The following DMBX1 variants were observed in gnomAD, a reference collection of about 807,000 sequenced individuals.
DMBX1 encodes the protein diencephalon/mesencephalon homeobox 1.
A neutral mutation model predicts 30.4 loss-of-function variants in DMBX1; 7 were observed. The ratio of observed to expected loss-of-function variants is 0.23; its 90% confidence interval spans 0.13 to 0.43. DMBX1 has a LOEUF of 0.43. Ranked by LOEUF, DMBX1 falls within the 20% of genes least tolerant of loss-of-function variation. DMBX1 has a pLI of 1.00. For missense variants in DMBX1, 460 were observed against 508.5 expected (o/e 0.90, Z 0.92); for synonymous variants, 222 against 214.2 (o/e 1.04, Z -0.32).
At chr1:46,490,323 C>A (rs1368277159) in intron 1 of DMBX1, among the ~76,000 whole-genome samples, 1 of 151,890 alleles carries the variant, frequency 6.6e-6, no homozygotes, top group Non-Finnish European at 1.5e-5. Context: ...GGATCCGTCA[C>A]GGTTTTGCCT....
At chr1:46,511,857 G>C (rs1213484678) in intron 5 of DMBX1, among the ~76,000 whole-genome samples, 186 bp from the exon 6 acceptor site, 1 of 152,152 alleles carries the variant, frequency 6.6e-6, no homozygotes, top group Non-Finnish European at 1.5e-5. Context: ...AAGAAGCCTG[G>C]GTCCCTTTCT....
intron 2 of DMBX1, among the ~76,000 whole-genome samples, chr1:46,499,281 C>T (rs1666079633): frequency 6.6e-6 from 1 of 152,184 alleles, no homozygotes; most frequent in Non-Finnish European, 1.5e-5. Context: ...AGGTGATCTG[C>T]CCACTTTGGC....
chr1:46,516,043 TTC>T lies in DMBX1; in HGVS notation c.*3551_*3552del, dbSNP rs1347484248. On this transcript the variant is annotated 3_prime_UTR_variant, in exon 6 of 6. Coordinates refer to ENST00000360032, the MANE Select transcript of DMBX1 (RefSeq NM_172225.2). ...AGACACTGTGTACTGTATTTATTTA[TTC>T]TGTTAGTGGAAAAAAACAAGACTTA... is the stretch of plus-strand genomic sequence containing the variant. Among the ~76,000 whole-genome samples the T allele has an allele frequency of 6.6e-6, 1 of 152,232 alleles. No individual in the cohort carries two copies. Among genetic ancestry groups the T allele is most frequent in the Non-Finnish European group, 1.5e-5 (1 of 68,038 alleles).
In DMBX1 at chr1:46,510,982, C is replaced by T. The variant is rs1557790384; in HGVS notation, c.381C>T (p.Ser127=). Residue 127 remains serine, a synonymous_variant, in exon 5 of 6, where the codon AGC becomes AGT. Coordinates refer to ENST00000360032, the MANE Select transcript of DMBX1 (RefSeq NM_172225.2). The surrounding 1 kb of genome is among the most constrained non-coding windows in gnomAD (Gnocchi z 4.1). ...CCAAGTTCCGGAAGAAGCAGCGTAG[C>T]CTGCAGAAGGAACAGCTCCAGAAGC... is the stretch of plus-strand genomic sequence containing the variant. ...RRAKFRKKQR[S]LQKEQLQKQK... is the part of the protein sequence containing the mutation. 5.0e-6 allele frequency: 8 copies of T among 1,613,112 alleles called. No individual in the cohort carries two copies. The highest frequency in any genetic ancestry group is 6.8e-6 in the Non-Finnish European group (8 of 1,179,548).
chr1:46,508,734 G>A (rs1303561562), intron 3 of DMBX1, among the ~76,000 whole-genome samples: 1 of 152,204 alleles, frequency 6.6e-6, no homozygotes, highest in Non-Finnish European at 1.5e-5. Flanking sequence ...GTGAGCCTTT[G>A]TATGGAGGCC....
chr1:46,510,978 G>T lies in DMBX1; in HGVS notation c.377G>T (p.Arg126Leu), dbSNP rs114953520. The T allele has an allele frequency of 2.4e-5, 38 of 1,613,062 alleles. No individual in the cohort carries two copies. The highest frequency in any genetic ancestry group is 3.2e-5 in the Non-Finnish European group (38 of 1,179,476). ...CGGGCCAAGTTCCGGAAGAAGCAGC[G>T]TAGCCTGCAGAAGGAACAGCTCCAG... ...NRRAKFRKKQ[R>L]SLQKEQLQKQ... The change falls in exon 5 of 6, where the codon CGT becomes CTT. Residue 126 changes from arginine (R) to leucine (L), a missense_variant. Transcript: ENST00000360032. This position sits in a 1 kb window ranked among gnomAD's most constrained non-coding sequence, Gnocchi z 4.1.
At chr1:46,497,795 G>A (rs917985437) in intron 2 of DMBX1, among the ~76,000 whole-genome samples, 3 of 152,240 alleles carry the variant, frequency 2.0e-5, no homozygotes, top group Non-Finnish European at 2.9e-5. Flanking sequence ...TCTATATGGC[G>A]CCTGTGGCGG....
In DMBX1 at chr1:46,512,635, A is replaced by C; in HGVS notation, c.*141A>C. On this transcript the variant is annotated 3_prime_UTR_variant, in exon 6 of 6. Transcript: ENST00000360032. This position sits in a 1 kb window ranked among gnomAD's most constrained non-coding sequence, Gnocchi z 4.8. The stretch of plus-strand genomic sequence containing the variant: ...GTCCTGTTCCCTGCTCCGCTTCCCC[A>C]TACCCCAGCCCGAGGTGAAGCCCAC... The C allele has an allele frequency of 1.1e-6, 1 of 935,322 alleles. No individual in the cohort carries two copies. Among genetic ancestry groups the C allele is most frequent in the Non-Finnish European group, 1.6e-6 (1 of 642,580 alleles). The allele number at this position is 935,322 out of a possible 1,614,324, so 57.9% of individuals were successfully genotyped here.
At position 46,507,054 on chromosome 1, in the gene DMBX1, A is replaced by G. The variant is rs1666250046; in HGVS notation, c.44A>G (p.Asn15Ser). The G allele has an allele frequency of 2.5e-6, 4 of 1,613,994 alleles. No homozygotes were observed. The highest frequency in any genetic ancestry group is 1.1e-5 in the South Asian group (1 of 91,090). ...AACGGCTACTCACTGCACGCCATGAACTCACTCAGCGCCATGTACAACCTG... is the reference window on the plus strand; with the variant it reads ...AACGGCTACTCACTGCACGCCATGAGCTCACTCAGCGCCATGTACAACCTG... ...GVNGYSLHAM[N>S]SLSAMYNLHQ... The change falls in exon 3 of 6, where the codon AAC (asparagine) becomes AGC (serine). Residue 15 changes from asparagine to serine, a missense_variant. Transcript: ENST00000360032.
At position 46,507,285 on chromosome 1, in the gene DMBX1, C is replaced by A. The variant is rs1007207003; in HGVS notation, c.154+121C>A. ...TTGTTCTAGGGGGCTCAAAAAGACT[C>A]AGGTCACTTAGCAACACAGAGAGAT... On this transcript the variant is annotated intron_variant, in intron 3 of 5. Coordinates refer to ENST00000360032, the MANE Select transcript of DMBX1 (RefSeq NM_172225.2). The A allele has an allele frequency of 8.5e-6, 11 of 1,298,580 alleles. No homozygotes were observed. In the African/African-American group the frequency reaches 1.5e-4, roughly 18 times the overall value. The allele number at this position is 1,298,580 out of a possible 1,614,324, so 80.4% of individuals were successfully genotyped here.
At position 46,511,288 on chromosome 1, in the gene DMBX1, G is replaced by A. The variant is rs1488909672; in HGVS notation, c.682+5G>A. On this transcript the variant is annotated splice_donor_5th_base_variant and intron_variant, in intron 5 of 5. Coordinates refer to ENST00000360032, the MANE Select transcript of DMBX1 (RefSeq NM_172225.2). ...AGAGGGGCAGCCCCAAGGCAGGTGA[G>A]GTCTGAGGGGTACCATGGGAGGGCT... The A allele has an allele frequency of 3.9e-6, 6 of 1,555,442 alleles. No individual in the cohort carries two copies. The highest frequency in any genetic ancestry group is 1.2e-5 in the South Asian group (1 of 84,514).
At position 46,507,098 on chromosome 1, in the gene DMBX1, C is replaced by G. The variant is rs946027819; in HGVS notation, c.88C>G (p.Gln30Glu). 1.9e-6 allele frequency: 3 copies of G among 1,614,144 alleles called. No homozygotes were observed. Among genetic ancestry groups the G allele is most frequent in the Admixed American group, 3.3e-5 (2 of 60,010 alleles). The change falls in exon 3 of 6, where the codon CAG (glutamine) becomes GAG (glutamate). Residue 30 changes from glutamine (Q) to glutamate (E), a missense_variant. Physicochemically the swap from Gln to Glu is conservative, Grantham distance 29. Transcript: ENST00000360032. Reference sequence around the variant, plus strand: ...CAACCTGCACCAGCAGGCAGCCCAGCAGGCCCAGCATGCCCCCGACTACCG... The same window carrying G: ...CAACCTGCACCAGCAGGCAGCCCAGGAGGCCCAGCATGCCCCCGACTACCG... Reference protein sequence around the residue: ...MYNLHQQAAQQAQHAPDYRPS... With the variant: ...MYNLHQQAAQEAQHAPDYRPS...
intron 2 of DMBX1, among the ~76,000 whole-genome samples, chr1:46,497,116 C>A (rs911843135): frequency 6.6e-6 from 1 of 152,202 alleles, no homozygotes; most frequent in African/African-American, 2.4e-5. Flanking sequence ...AAAATAAATA[C>A]CAGATAGCTC....
Position 46,491,489 on chromosome 1 carries a change from G to A in DMBX1, c.-13+706G>A, listed in dbSNP as rs895631522. ...AGGGCGCCTCCAGTTTGAGGGCGTT[G>A]GGGAAAGAGGAGGGCTTTATTGACT... On this transcript the variant is annotated intron_variant, in intron 2 of 5. Transcript: ENST00000360032. This position sits in a 1 kb window ranked among gnomAD's most constrained non-coding sequence, Gnocchi z 5.5. Among the ~76,000 whole-genome samples the A allele has an allele frequency of 3.9e-5, 6 of 152,214 alleles. No individual in the cohort carries two copies. Among genetic ancestry groups the A allele is most frequent in the Non-Finnish European group, 8.8e-5 (6 of 68,042 alleles).
chr1:46,491,806 A>G lies in DMBX1; in HGVS notation c.-13+1023A>G, dbSNP rs138097517. ...TCCCTGGTTCTCCCCTCGAATGGAA[A>G]GGCACTCTGGCCTAAGGACGAATGA... On this transcript the variant is annotated intron_variant, in intron 2 of 5. Coordinates refer to ENST00000360032, the MANE Select transcript of DMBX1 (RefSeq NM_172225.2). This position sits in a 1 kb window ranked among gnomAD's most constrained non-coding sequence, Gnocchi z 5.5. Among the ~76,000 whole-genome samples the G allele has an allele frequency of 5.4e-3, 824 of 152,228 alleles. 6 individuals carry two copies. Among genetic ancestry groups the G allele is most frequent in the African/African-American group, 0.019 (774 of 41,532 alleles).
At chr1:46,508,596 C>T (rs1666286587) in intron 3 of DMBX1, among the ~76,000 whole-genome samples, 1 of 152,134 alleles carries the variant, frequency 6.6e-6, no homozygotes, top group Non-Finnish European at 1.5e-5. Flanking sequence ...ATTCCAGGAC[C>T]CAAGGACCAG....
At chr1:46,505,756 TA>T (rs1037663469) in intron 2 of DMBX1, among the ~76,000 whole-genome samples, 51 of 128,724 alleles carry the variant, frequency 4.0e-4, no homozygotes, top group South Asian at 1.7e-3. Context: ...ATAATAATAA[TA>T]AAAAAAAATA....
chr1:46,502,966 C>T (rs1438316876), intron 2 of DMBX1, among the ~76,000 whole-genome samples: 1 of 152,236 alleles, frequency 6.6e-6, no homozygotes, highest in Non-Finnish European at 1.5e-5. Flanking sequence ...TCCCATCACA[C>T]TCGGGATAAA....
intron 1 of DMBX1, among the ~76,000 whole-genome samples, chr1:46,490,411 T>G (rs894204139): frequency 6.6e-6 from 1 of 151,246 alleles, no homozygotes; most frequent in Non-Finnish European, 1.5e-5. Flanking sequence ...CAAATCCTTC[T>G]CAGTTTGGAA....
Sources: allele counts gnomAD v4.1 joint callset (sites outside exome capture counted in the v4.1 genomes callset), GRCh38; gene constraint gnomAD v4.1.1; non-coding constraint Gnocchi (gnomAD v3.1); transcripts MANE v1.5; gene names NCBI Gene and HGNC (gene_info 2026-07-23, HGNC 2026-07-21).